ZNF197: variants seen among roughly 807,000 people sequenced by gnomAD.
ZNF197 encodes the protein VHL-associated KRAB-A domain-containing protein.
ZNF197 carries 14 observed loss-of-function variants against 27.4 expected under a neutral mutation model. The ratio of observed to expected loss-of-function variants is 0.51; its 90% confidence interval spans 0.34 to 0.80. The LOEUF is 0.80. Ranked by LOEUF, ZNF197 falls within the 30% of genes least tolerant of loss-of-function variation. The pLI, the probability that ZNF197 is intolerant of heterozygous loss-of-function variation, is 0.02. For synonymous variants in ZNF197, 415 were observed against 420.0 expected, an observed-to-expected ratio of 0.99 and a Z score of 0.15; for missense variants, 1,090 against 1,222.6, an observed-to-expected ratio of 0.89 and a Z score of 1.62.
chr3:44,629,779 T>A (rs1346791262), intron 2 of ZNF197, among the ~76,000 whole-genome samples: 1 of 152,240 alleles, frequency 6.6e-6, no homozygotes, highest in Non-Finnish European at 1.5e-5. Flanking sequence ...CATAAAAACA[T>A]TGACTGTTTT....
In ZNF197 at chr3:44,648,435, C is replaced by T. The variant is rs1347511625; in HGVS notation, c.*4215C>T. The T allele has an allele frequency of 6.6e-6, 1 of 152,222 alleles. No homozygotes were observed. 9.4% of individuals were successfully genotyped at this position (152,222 alleles called of 1,614,324 possible). ...GCCATACTTTCAACTCTTCTGTACT[C>T]TGATATTTTCAAAATAAAACATTTG... is the stretch of plus-strand genomic sequence containing the variant. On this transcript the variant is annotated 3_prime_UTR_variant, in exon 6 of 6. Transcript: ENST00000344387.
intron 1 of ZNF197, 100 bp from the exon 2 acceptor site, chr3:44,628,974 T>C: frequency 3.6e-6 from 3 of 830,498 alleles, no homozygotes; most frequent in Non-Finnish European, 5.5e-6. Flanking sequence ...TCACAAAGGT[T>C]CTCTTTATTA....
intron 5 of ZNF197, among the ~76,000 whole-genome samples, chr3:44,634,569 C>T (rs977125518): frequency 1.3e-5 from 2 of 152,072 alleles, no homozygotes; most frequent in Non-Finnish European, 2.9e-5. Flanking sequence ...CCTGCCTCAG[C>T]CTCCCAAGTA....
Position 44,643,193 on chromosome 3 carries a change from G to T in ZNF197, c.2063G>T (p.Gly688Val), listed in dbSNP as rs148048396. 8.1e-6 allele frequency: 13 copies of T among 1,613,222 alleles called. 1 individual carries two copies. The highest frequency in any genetic ancestry group is 1.1e-5 in the Non-Finnish European group (13 of 1,179,888). ...TGTAAAGATTGTGGTAAGGTCTTCGGTTCAAACAGAAACCTCATTGACCAT... is the reference window on the plus strand; with the variant it reads ...TGTAAAGATTGTGGTAAGGTCTTCGTTTCAAACAGAAACCTCATTGACCAT... ...YECKDCGKVF[G>V]SNRNLIDHER... The change falls in exon 6 of 6, where the codon GGT (glycine) becomes GTT (valine). Residue 688 changes from glycine (G) to valine (V), a missense_variant. Coordinates refer to ENST00000344387, the MANE Select transcript of ZNF197 (RefSeq NM_006991.5).
In ZNF197 at chr3:44,638,920, C is replaced by T. The variant is rs565729269; in HGVS notation, c.770-2980C>T. 4.6e-5 allele frequency among the ~76,000 whole-genome samples: 7 copies of T among 152,144 alleles called. 1 individual carries two copies. The highest frequency in any genetic ancestry group is 1.4e-4 in the African/African-American group (6 of 41,512). Reference sequence around the variant, plus strand: ...GTAAAGACAGTGTCTCACCATGTTCCCCAAGCTGGTCTCAAACTCTTGGCC... The same window carrying T: ...GTAAAGACAGTGTCTCACCATGTTCTCCAAGCTGGTCTCAAACTCTTGGCC... On this transcript the variant is annotated intron_variant, in intron 5 of 5. Transcript: ENST00000344387.
chr3:44,641,549 A>G lies in ZNF197; in HGVS notation c.770-351A>G, dbSNP rs149984654. Among the ~76,000 whole-genome samples, 163 of 152,326 alleles carry G rather than the reference A, an allele frequency of 1.1e-3. 2 individuals are homozygous for G. The East Asian group carries it at 0.029, about 28-fold the overall frequency. The stretch of plus-strand genomic sequence containing the variant: ...AATAAAGAAAGTTACTTCTAATCCA[A>G]TGGTTCTTGCTCTTCTATCCAAGTT... On this transcript the variant is annotated intron_variant, in intron 5 of 5. Coordinates refer to ENST00000344387, the MANE Select transcript of ZNF197 (RefSeq NM_006991.5).
At chr3:44,636,694 G>C (rs1702312256) in intron 5 of ZNF197, among the ~76,000 whole-genome samples, 1 of 152,104 alleles carries the variant, frequency 6.6e-6, no homozygotes, top group Non-Finnish European at 1.5e-5. Flanking sequence ...ATAATTTTTT[G>C]TGTGGATATA....
intron 5 of ZNF197, among the ~76,000 whole-genome samples, chr3:44,639,585 T>C (rs1173788200): frequency 8.5e-5 from 13 of 152,154 alleles, no homozygotes. Flanking sequence ...GGAATTTGCC[T>C]ATTTCATCTA....
intron 2 of ZNF197, 27 bp downstream of exon 2, chr3:44,629,571 G>C: frequency 6.6e-7 from 1 of 1,521,132 alleles, no homozygotes; most frequent in Non-Finnish European, 8.8e-7. Flanking sequence ...GGGGCGGTGG[G>C]TGTTGGGATG....
rs35139527 is a variant in ZNF197 at position 44,635,168 on chromosome 3, TAA to T, written c.769+2583_769+2584del. Among the ~76,000 whole-genome samples the T allele has an allele frequency of 4.5e-3, 579 of 129,512 alleles. 2 individuals are homozygous for T. Among genetic ancestry groups the T allele is most frequent in the African/African-American group, 6.4e-3 (220 of 34,406 alleles). 85.0% of individuals were successfully genotyped at this position (129,512 alleles called of 152,430 possible). On this transcript the variant is annotated intron_variant, in intron 5 of 5. Transcript: ENST00000344387. Reference sequence around the variant, plus strand: ...TTCCAGATAGGTCTAAGAGTTAAACTAAAAAAAAAAAAAAACCAATAAAATAA... The same window carrying T: ...TTCCAGATAGGTCTAAGAGTTAAACTAAAAAAAAAAAAACCAATAAAATAA...
intron 2 of ZNF197, among the ~76,000 whole-genome samples, chr3:44,630,133 C>T (rs1021957207): frequency 6.6e-6 from 1 of 152,168 alleles, no homozygotes; most frequent in African/African-American, 2.4e-5. Context: ...GGGAGGATCA[C>T]TTGAACCCAG....
At chr3:44,626,474 CTGAGAAAAATT>C (rs898341786) in intron 1 of ZNF197, among the ~76,000 whole-genome samples, 4 of 152,186 alleles carry the variant, frequency 2.6e-5, no homozygotes, top group African/African-American at 4.8e-5. Context: ...ACTTGACAAA[CTGAGAAAAATT>C]TGCAGCTGCC....
Position 44,643,690 on chromosome 3 carries a change from G to C in ZNF197, c.2560G>C (p.Gly854Arg). The change falls in exon 6 of 6, where the codon GGT becomes CGT. Residue 854 changes from glycine (G) to arginine (R), a missense_variant. Gly to Arg is a moderately radical substitution (Grantham distance 125, BLOSUM62 -2). Transcript: ENST00000344387. ...KPYACSECGK[G>R]FTYNRNLIEH... ...CTATGCGTGTAGTGAGTGTGGAAAA[G>C]GTTTTACGTACAACAGAAACCTGAT... 6.2e-7 allele frequency: 1 copy of C among 1,614,030 alleles called. No individual in the cohort carries two copies. Among genetic ancestry groups the C allele is most frequent in the Non-Finnish European group, 8.5e-7 (1 of 1,179,992 alleles).
At chr3:44,631,423 C>A (rs1029144267) in intron 3 of ZNF197, among the ~76,000 whole-genome samples, 1 of 150,680 alleles carries the variant, frequency 6.6e-6, no homozygotes, top group Non-Finnish European at 1.5e-5. Context: ...TTTTTTGAGA[C>A]GGAGTCTCGC....
intron 5 of ZNF197, among the ~76,000 whole-genome samples, chr3:44,634,009 T>C (rs1702144754): frequency 6.6e-6 from 1 of 152,234 alleles, no homozygotes; most frequent in East Asian, 1.9e-4. Context: ...TGAAACAGTC[T>C]GTAGATTTTA....
chr3:44,631,776 C>T (rs1366083040), intron 3 of ZNF197, among the ~76,000 whole-genome samples: 1 of 151,800 alleles, frequency 6.6e-6, no homozygotes, highest in Non-Finnish European at 1.5e-5. Flanking sequence ...TCTCGGCTCA[C>T]TGCAACCTCC....
At chr3:44,639,165 A>T (rs753816595) in intron 5 of ZNF197, among the ~76,000 whole-genome samples, 2 of 152,218 alleles carry the variant, frequency 1.3e-5, no homozygotes, top group Admixed American at 1.3e-4. Flanking sequence ...TTTTCCTGTG[A>T]TAAATCTCAC....
At position 44,642,372 on chromosome 3, in the gene ZNF197, A is replaced by G. The variant is rs1299067746; in HGVS notation, c.1242A>G (p.Leu414=). ...GKGFIQRSSL[L]MHLRNHSGEK... ...GCTTTATTCAGCGTTCGAGCCTTCT[A>G]ATGCATTTACGGAACCATTCAGGGG... Residue 414 remains leucine (L), a synonymous_variant, in exon 6 of 6, where the codon CTA becomes CTG. Transcript: ENST00000344387. 1.3e-5 allele frequency: 21 copies of G among 1,614,110 alleles called. No homozygotes were observed. Among genetic ancestry groups the G allele is most frequent in the Admixed American group, 3.3e-5 (2 of 60,032 alleles).
At chr3:44,633,998 G>A in intron 5 of ZNF197, among the ~76,000 whole-genome samples, 1 of 152,104 alleles carries the variant, frequency 6.6e-6, no homozygotes, top group East Asian at 1.9e-4. Context: ...GCAGTGGTGG[G>A]TGAAACAGTC....
Sources: gnomAD v4.1 joint callset for allele counts (sites outside exome capture counted in the v4.1 genomes callset) on GRCh38, gnomAD v4.1.1 for gene constraint, MANE v1.5 for transcripts, NCBI Gene and HGNC (gene_info 2026-07-23, HGNC 2026-07-21) for gene names.